The following PIGL variants were observed in gnomAD, a reference collection of about 807,000 sequenced individuals.
PIGL encodes N-acetylglucosaminyl-phosphatidylinositol de-N-acetylase.
A neutral mutation model predicts 31.1 loss-of-function variants in PIGL; 22 were observed. The ratio of observed to expected loss-of-function variants is 0.71; its 90% CI spans 0.51 to 1.01. The LOEUF is 1.01. Among genes scored for constraint, PIGL ranks in the 50% least tolerant of loss-of-function variants. The pLI, the probability that PIGL is intolerant of heterozygous loss-of-function variation, is 0.00. For synonymous variants in PIGL, 131 were observed against 117.4 expected (o/e 1.12, Z -0.75); for missense variants, 302 against 315.9 (o/e 0.96, Z 0.33).
chr17:16,299,124 C>T (rs900018002), intron 2 of PIGL, among the ~76,000 whole-genome samples: 1 of 151,676 alleles, frequency 6.6e-6, no homozygotes, highest in African/African-American at 2.4e-5. Flanking sequence ...GGGAGAATTG[C>T]TTGAACCCGG....
intron 5 of PIGL, chr17:16,317,099 C>T (rs1600863922): frequency 9.5e-7 from 1 of 1,054,726 alleles, no homozygotes; most frequent in Non-Finnish European, 1.2e-6. Flanking sequence ...TCTTCCTAAC[C>T]CACATAAAGT....
intron 2 of PIGL, among the ~76,000 whole-genome samples, chr17:16,292,410 C>T (rs1307144787): frequency 6.8e-6 from 1 of 147,676 alleles, no homozygotes; most frequent in African/African-American, 2.5e-5. Context: ...AAAAAAAAAA[C>T]ACTCCTTTGA....
chr17:16,315,241 C>T (rs1481534301), intron 4 of PIGL, among the ~76,000 whole-genome samples: 1 of 152,224 alleles, frequency 6.6e-6, no homozygotes, highest in Admixed American at 6.5e-5. Context: ...TCAGATAAAA[C>T]AATTCATGGA....
intron 2 of PIGL, among the ~76,000 whole-genome samples, chr17:16,260,875 T>G (rs1056913195): frequency 6.6e-6 from 1 of 152,004 alleles, no homozygotes; most frequent in East Asian, 1.9e-4. Context: ...ATCCCAGCAC[T>G]TTGGGAGGCT....
At chr17:16,221,267 T>C (rs2092627640) in intron 1 of PIGL, among the ~76,000 whole-genome samples, 1 of 152,148 alleles carries the variant, frequency 6.6e-6, no homozygotes, top group Non-Finnish European at 1.5e-5. Context: ...AATCCAGGCT[T>C]CTCTTGAAAA....
At chr17:16,251,703 C>G (rs139951800) in intron 2 of PIGL, among the ~76,000 whole-genome samples, 24 of 150,894 alleles carry the variant, frequency 1.6e-4, no homozygotes, top group Non-Finnish European at 3.1e-4. Context: ...GCATGCTGCA[C>G]AGATGTTAAC....
chr17:16,256,039 G>A (rs79740380), intron 2 of PIGL, among the ~76,000 whole-genome samples: 1 of 152,038 alleles, frequency 6.6e-6, no homozygotes, highest in Non-Finnish European at 1.5e-5. Flanking sequence ...AAAAAAAAAA[G>A]TGAGACCAGG....
chr17:16,297,491 T>C (rs1182040014), intron 2 of PIGL, among the ~76,000 whole-genome samples: 1 of 152,188 alleles, frequency 6.6e-6, no homozygotes. Flanking sequence ...ACTGGTGTAT[T>C]CCCTCTCCAA....
At chr17:16,239,352 A>G (rs1351324122) in intron 2 of PIGL, among the ~76,000 whole-genome samples, 1 of 151,746 alleles carries the variant, frequency 6.6e-6, no homozygotes, top group Non-Finnish European at 1.5e-5. Flanking sequence ...GCGTGGTGGC[A>G]TACACCTGTA....
At chr17:16,249,058 C>A (rs1485785449) in intron 2 of PIGL, among the ~76,000 whole-genome samples, 1 of 152,192 alleles carries the variant, frequency 6.6e-6, no homozygotes, top group Non-Finnish European at 1.5e-5. Context: ...ATTTATATAA[C>A]CTCAATTGCA....
intron 2 of PIGL, among the ~76,000 whole-genome samples, chr17:16,263,988 C>T (rs995672116): frequency 8.2e-5 from 12 of 146,724 alleles, no homozygotes; most frequent in Non-Finnish European, 1.8e-4. Context: ...ATTACAGGTG[C>T]CCCCACCACC....
At chr17:16,238,900 A>G (rs1372380626) in intron 2 of PIGL, among the ~76,000 whole-genome samples, 1 of 95,870 alleles carries the variant, frequency 1.0e-5, no homozygotes, top group Non-Finnish European at 2.1e-5. Context: ...ACAGAGTGAG[A>G]CCCCGTCTCA....
At chr17:16,217,670 CAGCAGGATTGAGG>C in intron 1 of PIGL, 1 of 558,034 alleles carries the variant, frequency 1.8e-6, no homozygotes, top group South Asian at 2.4e-5. Flanking sequence ...CGTACTACGC[CAGCAGGATTGAGG>C]AGCAGAGAAA....
At chr17:16,307,161 G>A (rs1258093413) in intron 3 of PIGL, among the ~76,000 whole-genome samples, 1 of 152,188 alleles carries the variant, frequency 6.6e-6, no homozygotes, top group African/African-American at 2.4e-5. Flanking sequence ...ACCTAAACTG[G>A]TGCTGACTCT....
chr17:16,282,797 A>G (rs989748990), intron 2 of PIGL, among the ~76,000 whole-genome samples: 6 of 152,180 alleles, frequency 3.9e-5, no homozygotes, highest in African/African-American at 1.2e-4. Flanking sequence ...AAGCTGGGAA[A>G]GATGTCCAGG....
intron 3 of PIGL, among the ~76,000 whole-genome samples, chr17:16,308,382 G>A (rs997590750): frequency 6.6e-6 from 1 of 152,176 alleles, no homozygotes; most frequent in African/African-American, 2.4e-5. Context: ...AGCCCAGGGG[G>A]ATAGTAGTGT....
chr17:16,217,234 CA>C lies in PIGL; in HGVS notation c.10del (p.Met4CysfsTer25). ME[A>X]MWLLCVALAV... ...CAGTGCTGCTTACCCATCATGGAAGCAATGTGGCTCCTGTGTGTGGCGTTGG... is the reference window on the plus strand; with the variant it reads ...CAGTGCTGCTTACCCATCATGGAAGCATGTGGCTCCTGTGTGTGGCGTTGG... On this transcript the variant is annotated frameshift_variant, in exon 1 of 7. Coordinates refer to ENST00000225609, the MANE Select transcript of PIGL (RefSeq NM_004278.4). LOFTEE classifies it high-confidence loss of function. 6.2e-7 allele frequency: 1 copy of C among 1,613,986 alleles called. No individual in the cohort carries two copies. The highest frequency in any genetic ancestry group is 8.5e-7 in the Non-Finnish European group (1 of 1,179,892).
intron 2 of PIGL, among the ~76,000 whole-genome samples, chr17:16,237,030 T>G (rs1046329550): frequency 2.6e-5 from 4 of 151,240 alleles, no homozygotes; most frequent in African/African-American, 9.7e-5. Context: ...CTTGAACTCC[T>G]GGGTTCAGGC....
intron 2 of PIGL, among the ~76,000 whole-genome samples, chr17:16,285,313 G>A (rs1050432448): frequency 2.6e-5 from 4 of 152,214 alleles, no homozygotes; most frequent in African/African-American, 4.8e-5. Flanking sequence ...CAGGCCGGGC[G>A]CGGTGGCTCA....
Sources: gnomAD v4.1 joint callset for allele counts (sites outside exome capture counted in the v4.1 genomes callset) on GRCh38, gnomAD v4.1.1 for gene constraint, MANE v1.5 for transcripts, NCBI Gene and HGNC (gene_info 2026-07-23, HGNC 2026-07-21) for gene names.